SIDT1: variants seen among roughly 807,000 people sequenced by gnomAD.
SIDT1 encodes the protein SID1 transmembrane family member 1, also known as SID1 transmembrane family, member 1.
A neutral mutation model predicts 107.5 loss-of-function variants in SIDT1; 101 were observed. The ratio of observed to expected loss-of-function variants is 0.94; its 90% confidence interval spans 0.80 to 1.11. The LOEUF is 1.11. Ranked by LOEUF, SIDT1 falls within the 50% of genes least tolerant of loss-of-function variation. The probability of loss-of-function intolerance (pLI) is 0.00; values close to 1 mark genes in which losing one functional copy is unlikely to be tolerated. For synonymous variants in SIDT1, 395 were observed against 398.2 expected (o/e 0.99, Z 0.10); for missense variants, 1,076 against 1,058.2 (o/e 1.02, Z -0.23).
chr3:113,619,923 T>G lies in SIDT1; in HGVS notation c.2090+197T>G, dbSNP rs1046773553. 1.7e-5 allele frequency: 9 copies of G among 538,152 alleles called. No individual in the cohort carries two copies. The African/African-American group carries it at 1.7e-4, about 10-fold the overall frequency. 33.3% of individuals were successfully genotyped at this position (538,152 alleles called of 1,614,324 possible). A position where few individuals can be genotyped will look rare whatever the true frequency, so the allele number is the denominator to read the frequency against. ...AGCCTCTCTTAAAACACTGATGCAT[T>G]GAGTTCATTTGTTCAACAAGACAAA... On this transcript the variant is annotated intron_variant, in intron 21 of 24. Transcript: ENST00000264852.
rs150632865 is a variant in SIDT1 at position 113,566,473 on chromosome 3, G to C, written c.276G>C (p.Pro92=). ...VNSSSENLNY[P]VLVVVRQQKE... ...GTTCCTCTGAGAATCTCAACTACCCGGTCCTTGTTGTGGTTCGCCAGCAGA... is the reference window on the plus strand; with the variant it reads ...GTTCCTCTGAGAATCTCAACTACCCCGTCCTTGTTGTGGTTCGCCAGCAGA... Residue 92 remains proline, a synonymous_variant, in exon 2 of 25, where the codon CCG becomes CCC. Transcript: ENST00000264852. The C allele has an allele frequency of 1.2e-6, 2 of 1,614,104 alleles. No individual in the cohort carries two copies. The highest frequency in any genetic ancestry group is 8.5e-7 in the Non-Finnish European group (1 of 1,180,008).
Position 113,584,777 on chromosome 3 carries a change from T to C in SIDT1, c.907+8T>C. Reference sequence around the variant, plus strand: ...TTGTCCCTTCCATTAAAGGTCAGTGTTGGCTCCAGAATGCATTGAAGAGAT... The same window carrying C: ...TTGTCCCTTCCATTAAAGGTCAGTGCTGGCTCCAGAATGCATTGAAGAGAT... On this transcript the variant is annotated splice_region_variant and intron_variant, in intron 8 of 24. Coordinates refer to ENST00000264852, the MANE Select transcript of SIDT1 (RefSeq NM_017699.3). The C allele has an allele frequency of 6.4e-7, 1 of 1,574,348 alleles. No individual in the cohort carries two copies. Among genetic ancestry groups the C allele is most frequent in the Non-Finnish European group, 8.6e-7 (1 of 1,164,716 alleles).
At chr3:113,558,100 T>C (rs1040239104) in intron 1 of SIDT1, among the ~76,000 whole-genome samples, 4 of 152,146 alleles carry the variant, frequency 2.6e-5, no homozygotes, top group African/African-American at 9.7e-5. Context: ...GTGTAGACCA[T>C]GGCAAATGAG....
At position 113,584,713 on chromosome 3, in the gene SIDT1, C is replaced by A; in HGVS notation, c.851C>A (p.Thr284Asn). Residue 284 changes from threonine to asparagine, a missense_variant, in exon 8 of 25, where the codon ACC becomes AAC. Thr to Asn is a moderately conservative substitution (Grantham distance 65). Transcript: ENST00000264852. The part of the protein sequence containing the change: ...SFFIQEKENQ[T>N]WNLQRKKNLE... The stretch of plus-strand genomic sequence containing the variant: ...TTTAAACCAGAAAAGGAAAACCAGA[C>A]CTGGAATCTACAGCGAAAAAAGAAC... The A allele has an allele frequency of 6.3e-7, 1 of 1,597,734 alleles. No homozygotes were observed. Among genetic ancestry groups the A allele is most frequent in the Non-Finnish European group, 8.5e-7 (1 of 1,174,756 alleles).
intron 1 of SIDT1, among the ~76,000 whole-genome samples, chr3:113,563,472 G>A (rs1435205969): frequency 6.6e-6 from 1 of 152,154 alleles, no homozygotes; most frequent in Non-Finnish European, 1.5e-5. Context: ...GAAATTTGAC[G>A]ACTTGAATCT....
In SIDT1 at chr3:113,567,682, G is replaced by A. The variant is rs759132227; in HGVS notation, c.487G>A (p.Val163Ile). The A allele has an allele frequency of 3.2e-5, 51 of 1,613,796 alleles. No homozygotes were observed. The highest frequency in any genetic ancestry group is 8.5e-6 in the Non-Finnish European group (10 of 1,179,966). ...APLGAQYKLL[V>I]TKLKHFQLRT... ...CCTGGGTGCTCAGTACAAACTGCTAGTTACCAAGCTGAAGCACTTCCAGCT... is the reference window on the plus strand; with the variant it reads ...CCTGGGTGCTCAGTACAAACTGCTAATTACCAAGCTGAAGCACTTCCAGCT... Residue 163 changes from valine to isoleucine, a missense_variant, in exon 3 of 25, where the codon GTT (valine) becomes ATT (isoleucine). Coordinates refer to ENST00000264852, the MANE Select transcript of SIDT1 (RefSeq NM_017699.3).
intron 17 of SIDT1, among the ~76,000 whole-genome samples, chr3:113,609,206 G>A (rs999448593): frequency 4.6e-5 from 7 of 151,780 alleles, no homozygotes; most frequent in African/African-American, 1.2e-4. Flanking sequence ...GGGACTACTG[G>A]TGCGCACCAC....
chr3:113,612,101 G>A lies in SIDT1; in HGVS notation c.1873G>A (p.Asp625Asn). The change falls in exon 19 of 25, where the codon GAC becomes AAC. Residue 625 changes from aspartate to asparagine, a missense_variant. Physicochemically the swap from Asp to Asn is conservative, Grantham distance 23. Transcript: ENST00000264852. ...TTACTCCTAGGTGTTTGGAAAAAAT[G>A]ACGTATGGTTCTGGGTCATCTTCTC... ...TVLGVVFGKN[D>N]VWFWVIFSAI... 1.2e-6 allele frequency: 2 copies of A among 1,613,988 alleles called. 1 individual carries two copies.
At chr3:113,635,882 A>G in the SIDT1 span, among the ~76,000 whole-genome samples, 4 of 151,982 alleles carry the variant, frequency 2.6e-5, no homozygotes, top group Non-Finnish European at 1.5e-5. Context: ...TCAAAAAAAA[A>G]AAAAGAAAAG....
chr3:113,604,130 T>C (rs1945158209), intron 13 of SIDT1, 97 bp downstream of exon 13: 1 of 799,066 alleles, frequency 1.3e-6, no homozygotes, highest in Non-Finnish European at 2.0e-6. Flanking sequence ...TAGTGTTTAA[T>C]GAGGCACAGG....
chr3:113,566,356 G>GTGTGTT, intron 1 of SIDT1, 64 bp from the exon 2 acceptor site: 1 of 1,494,080 alleles, frequency 6.7e-7, no homozygotes, highest in Non-Finnish European at 9.2e-7. Flanking sequence ...GTGTGTGTGT[G>GTGTGTT]TGTGTGTGTT....
intron 17 of SIDT1, among the ~76,000 whole-genome samples, chr3:113,610,454 ATTG>A (rs1945653200): frequency 6.6e-6 from 1 of 152,230 alleles, no homozygotes; most frequent in Non-Finnish European, 1.5e-5. Flanking sequence ...GAGGCATTGC[ATTG>A]TTATCTTAAT....
downstream of SIDT1, among the ~76,000 whole-genome samples, chr3:113,630,812 T>A (rs528970718): frequency 4.9e-4 from 75 of 152,154 alleles, 1 homozygote; most frequent in South Asian, 6.2e-4. Context: ...GCAGACAGGA[T>A]CCTCAGCTCA....
chr3:113,607,123 A>G lies in SIDT1; in HGVS notation c.1478+9A>G. On this transcript the variant is annotated intron_variant, in intron 15 of 24. Coordinates refer to ENST00000264852, the MANE Select transcript of SIDT1 (RefSeq NM_017699.3). ...CCCTTGGGCGTCCTGAGGTAAACCC[A>G]GTCCTCTGGTTGCCCATGAGGCATT... 6.3e-7 allele frequency: 1 copy of G among 1,584,964 alleles called. No individual in the cohort carries two copies. Among genetic ancestry groups the G allele is most frequent in the South Asian group, 1.1e-5 (1 of 89,896 alleles).
At chr3:113,604,746 G>A (rs1057269303) in intron 13 of SIDT1, among the ~76,000 whole-genome samples, 164 bp from the exon 14 acceptor site, 1 of 152,168 alleles carries the variant, frequency 6.6e-6, no homozygotes, top group Non-Finnish European at 1.5e-5. Context: ...ATGCAAGAGA[G>A]GGGAGAGGAC....
chr3:113,616,185 A>G lies in SIDT1; in HGVS notation c.2043+9A>G. 1 of 1,602,270 alleles carries G rather than the reference A, an allele frequency of 6.2e-7. No individual in the cohort carries two copies. On this transcript the variant is annotated intron_variant, in intron 20 of 24. Coordinates refer to ENST00000264852, the MANE Select transcript of SIDT1 (RefSeq NM_017699.3). ...GCCGACCTCTATATATGGTATGTGC[A>G]TGTTCCTGTGTTCTTTGGCCCTGTC... is the stretch of plus-strand genomic sequence containing the variant.
At chr3:113,582,082 A>T (rs1237062982) in intron 6 of SIDT1, among the ~76,000 whole-genome samples, 6 of 152,222 alleles carry the variant, frequency 3.9e-5, no homozygotes, top group African/African-American at 1.4e-4. Flanking sequence ...ATATTCTAAT[A>T]ATCTATACCA....
intron 10 of SIDT1, among the ~76,000 whole-genome samples, chr3:113,600,198 T>G (rs1944859563): frequency 6.6e-6 from 1 of 151,950 alleles, no homozygotes. Flanking sequence ...TAGTCCCAGC[T>G]ACTCAGGAGG....
intron 18 of SIDT1, among the ~76,000 whole-genome samples, chr3:113,611,732 C>A (rs1035699053): frequency 2.0e-5 from 3 of 152,320 alleles, no homozygotes; most frequent in South Asian, 2.1e-4. Context: ...TATAAGCTGA[C>A]TGGAGAGACT....
Sources: allele counts gnomAD v4.1 joint callset (sites outside exome capture counted in the v4.1 genomes callset), GRCh38; gene constraint gnomAD v4.1.1; transcripts MANE v1.5; gene names NCBI Gene and HGNC (gene_info 2026-07-23, HGNC 2026-07-21).